The following STK39 variants were observed in gnomAD, a reference collection of about 807,000 sequenced individuals.
STK39 encodes STE20/SPS1-related proline-alanine-rich protein kinase.
STK39 carries 20 observed loss-of-function variants against 77.8 expected under a neutral mutation model. That is an observed-to-expected ratio of 0.26 (90% CI 0.18 to 0.37). The LOEUF (loss-of-function observed/expected upper bound fraction) is 0.37, where lower values mean the gene tolerates loss of function less well. Ranked by LOEUF, STK39 falls within the 10% of genes least tolerant of loss-of-function variation. The pLI, the probability that STK39 is intolerant of heterozygous loss-of-function variation, is 1.00. For synonymous variants in STK39, 246 were observed against 234.1 expected (o/e 1.05, Z -0.47); for missense variants, 479 against 656.5 (o/e 0.73, Z 2.95).
rs1244417795 is a variant in STK39 at position 167,955,343 on chromosome 2, C to T, written c.*153G>A. On this transcript the variant is annotated 3_prime_UTR_variant, in exon 18 of 18. Transcript: ENST00000355999. ...GTTTTAAAAAATTATTTTTTTATCC[C>T]ATTTTGTTGAAGCCGGCCTCTTCAC... 4.1e-5 allele frequency: 27 copies of T among 651,060 alleles called. No homozygotes were observed. In the East Asian group the frequency reaches 7.1e-4, roughly 17 times the overall value. 40.3% of individuals were successfully genotyped at this position (651,060 alleles called of 1,614,324 possible).
At chr2:168,137,007 C>A (rs1687857998) in intron 8 of STK39, among the ~76,000 whole-genome samples, 1 of 152,082 alleles carries the variant, frequency 6.6e-6, no homozygotes, top group South Asian at 2.1e-4. Context: ...AGATTCAAGG[C>A]AAATTCAGCA....
At chr2:168,190,392 A>T (rs776398515) in intron 1 of STK39, among the ~76,000 whole-genome samples, 2 of 152,210 alleles carry the variant, frequency 1.3e-5, no homozygotes, top group Non-Finnish European at 2.9e-5. Context: ...GTTAACTTCA[A>T]GGTACAAGCC....
Position 168,176,060 on chromosome 2 carries a change from G to T in STK39, c.321+5918C>A, listed in dbSNP as rs564480531. On this transcript the variant is annotated intron_variant, in intron 2 of 17. Transcript: ENST00000355999. ...TTACCACATACGATGAATGAGCTGG[G>T]ATATGAATTATTAATGTACTAATTA... Among the ~76,000 whole-genome samples the T allele has an allele frequency of 2.6e-5, 4 of 152,214 alleles. No homozygotes were observed. In the South Asian group the frequency reaches 8.3e-4, roughly 32 times the overall value.
At chr2:168,164,547 C>T (rs1688651294) in intron 3 of STK39, among the ~76,000 whole-genome samples, 1 of 152,168 alleles carries the variant, frequency 6.6e-6, no homozygotes, top group Admixed American at 6.5e-5. Context: ...GCTGGGACTA[C>T]AAGTACGTGC....
chr2:168,225,640 T>C (rs1052377654), intron 1 of STK39, among the ~76,000 whole-genome samples: 2 of 152,236 alleles, frequency 1.3e-5, no homozygotes, highest in Admixed American at 6.5e-5. Flanking sequence ...AGTTATTTAT[T>C]GACTCAAAAC....
chr2:168,186,361 A>C (rs1689207773), intron 1 of STK39, among the ~76,000 whole-genome samples: 1 of 152,216 alleles, frequency 6.6e-6, no homozygotes, highest in South Asian at 2.1e-4. Context: ...GCCCAAGCAG[A>C]CTAATACAAA....
At chr2:168,026,595 C>T (rs929525917) in intron 14 of STK39, among the ~76,000 whole-genome samples, 28 of 152,218 alleles carry the variant, frequency 1.8e-4, no homozygotes, top group Non-Finnish European at 2.6e-4. Context: ...CTCTAGACCA[C>T]TGCTCTTTAT....
chr2:168,218,058 T>A (rs1270436046), intron 1 of STK39, among the ~76,000 whole-genome samples: 1 of 152,232 alleles, frequency 6.6e-6, no homozygotes, highest in African/African-American at 2.4e-5. Flanking sequence ...AAACATCTTT[T>A]AACACCATGT....
At chr2:168,185,784 T>A (rs1689193662) in intron 1 of STK39, among the ~76,000 whole-genome samples, 1 of 152,148 alleles carries the variant, frequency 6.6e-6, no homozygotes, top group South Asian at 2.1e-4. Flanking sequence ...TTTAGTGCAT[T>A]TAGTGCAAAA....
intron 16 of STK39, among the ~76,000 whole-genome samples, chr2:167,969,789 C>T (rs1186658656): frequency 6.6e-6 from 1 of 152,196 alleles, no homozygotes; most frequent in Non-Finnish European, 1.5e-5. Flanking sequence ...TAGACTTCAC[C>T]CAGAGGGCAG....
chr2:168,147,518 T>A (rs112193183), intron 5 of STK39, among the ~76,000 whole-genome samples: 1 of 152,198 alleles, frequency 6.6e-6, no homozygotes, highest in Non-Finnish European at 1.5e-5. Flanking sequence ...AACCATGTAT[T>A]TCCTTATTTT....
chr2:168,061,464 CAA>C (rs11296775), intron 14 of STK39, among the ~76,000 whole-genome samples: 1 of 151,992 alleles, frequency 6.6e-6, no homozygotes, highest in African/African-American at 2.4e-5. Flanking sequence ...TTATGATTTC[CAA>C]AAAAAAGTGT....
At chr2:168,025,007 T>A (rs963446790) in intron 14 of STK39, among the ~76,000 whole-genome samples, 3 of 152,196 alleles carry the variant, frequency 2.0e-5, no homozygotes, top group Admixed American at 2.0e-4. Flanking sequence ...ATGCAGAGTT[T>A]ACAAGTCTGG....
At chr2:168,059,940 T>C (rs1370917317) in intron 14 of STK39, among the ~76,000 whole-genome samples, 1 of 152,194 alleles carries the variant, frequency 6.6e-6, no homozygotes, top group East Asian at 1.9e-4. Context: ...CTTTTCTTTT[T>C]TCTACTGGTA....
In STK39 at chr2:168,224,731, AAGG is replaced by A. The variant is rs1690262546; in HGVS notation, c.208+22494_208+22496del. On this transcript the variant is annotated intron_variant, in intron 1 of 17. Transcript: ENST00000355999. ...GCTTATGTGCTAAAAAGGCATTTTTAAGGAGATTAAAACGCAGATTCAAGACCA... is the reference window on the plus strand; with the variant it reads ...GCTTATGTGCTAAAAAGGCATTTTTAAGATTAAAACGCAGATTCAAGACCA... Among the ~76,000 whole-genome samples, 4 of 152,346 alleles carry A rather than the reference AAGG, an allele frequency of 2.6e-5. No individual in the cohort carries two copies. The South Asian group carries it at 8.3e-4, about 32-fold the overall frequency.
chr2:167,991,582 T>C (rs1683701984), intron 16 of STK39, among the ~76,000 whole-genome samples: 1 of 152,316 alleles, frequency 6.6e-6, no homozygotes, highest in East Asian at 1.9e-4. Flanking sequence ...ATGAATACAG[T>C]ATGTAGGTCA....
intron 1 of STK39, among the ~76,000 whole-genome samples, chr2:168,218,451 C>T (rs1044253817): frequency 6.6e-6 from 1 of 152,180 alleles, no homozygotes; most frequent in Non-Finnish European, 1.5e-5. Flanking sequence ...ACCATGCATA[C>T]CAGGGTCAGG....
intron 10 of STK39, among the ~76,000 whole-genome samples, chr2:168,087,656 G>A (rs1188030271): frequency 6.6e-6 from 1 of 152,158 alleles, no homozygotes; most frequent in Non-Finnish European, 1.5e-5. Context: ...AGTAAGCCAA[G>A]TCCTTGCAAT....
At chr2:168,171,357 C>T (rs4668040) in intron 2 of STK39, among the ~76,000 whole-genome samples, 65,314 of 151,392 alleles carry the variant, frequency 0.43, 16,137 homozygotes, top group East Asian at 0.77. Flanking sequence ...AGACATTACG[C>T]GCGTCATGCT....
Sources: gnomAD v4.1 joint callset for allele counts (sites outside exome capture counted in the v4.1 genomes callset) on GRCh38, gnomAD v4.1.1 for gene constraint, MANE v1.5 for transcripts, NCBI Gene and HGNC (gene_info 2026-07-23, HGNC 2026-07-21) for gene names.